The following ZFHX4 variants were observed in gnomAD, a reference collection of about 807,000 sequenced individuals.
ZFHX4 encodes the protein zinc finger homeobox 4, also known as zinc finger homeobox protein 4.
Under a neutral mutation model 267.6 loss-of-function variants are expected in ZFHX4, and 56 were observed. The observed-to-expected ratio is 0.21, with a 90% CI of 0.17 to 0.26. ZFHX4 has a LOEUF of 0.26. ZFHX4 is among the 10% of genes least tolerant of loss of function. ZFHX4 has a pLI of 1.00. For synonymous variants in ZFHX4, 1,778 were observed against 1,665.6 expected (o/e 1.07, Z -1.64); for missense variants, 4,332 against 4,420.0 (o/e 0.98, Z 0.56).
chr8:76,803,486 A>C (rs958660301), intron 4 of ZFHX4, among the ~76,000 whole-genome samples: 2 of 152,174 alleles, frequency 1.3e-5, no homozygotes, highest in African/African-American at 4.8e-5. Flanking sequence ...AACTCTAAAT[A>C]GGTCTTTCTT....
intron 3 of ZFHX4, among the ~76,000 whole-genome samples, chr8:76,742,174 A>G (rs1809335402): frequency 6.6e-6 from 1 of 152,196 alleles, no homozygotes; most frequent in South Asian, 2.1e-4. Context: ...GGACGTTTGG[A>G]TGGTGTAGAT....
chr8:76,855,790 C>G lies in ZFHX4; in HGVS notation c.8869C>G (p.Gln2957Glu), dbSNP rs775571716. ...TAGTGACTACCGAACTCCAACCATG[C>G]AAGAATGTGAAATGTTAGGGAATGA... ...CFSDYRTPTM[Q>E]ECEMLGNEIG... Residue 2957 changes from glutamine (Q) to glutamate (E), a missense_variant, in exon 10 of 11, where the codon CAA becomes GAA. Transcript: ENST00000651372. The G allele has an allele frequency of 3.1e-6, 5 of 1,613,882 alleles. No individual in the cohort carries two copies. In the East Asian group the frequency reaches 1.1e-4, roughly 36 times the overall value.
chr8:76,802,167 T>A lies in ZFHX4; in HGVS notation c.3325+23728T>A, dbSNP rs1270617703. Among the ~76,000 whole-genome samples, 3 of 152,292 alleles carry A rather than the reference T, an allele frequency of 2.0e-5. No individual in the cohort carries two copies. In the East Asian group the frequency reaches 5.8e-4, roughly 29 times the overall value. ...CTGCTGCTGTTCTTCCCTCTTTCAGTGGAGTGATTTGTAACACTCATCTTC... is the reference window on the plus strand; with the variant it reads ...CTGCTGCTGTTCTTCCCTCTTTCAGAGGAGTGATTTGTAACACTCATCTTC... On this transcript the variant is annotated intron_variant, in intron 4 of 10. Transcript: ENST00000651372.
chr8:76,858,501 C>T (rs1391490660), intron 10 of ZFHX4, among the ~76,000 whole-genome samples: 1 of 152,194 alleles, frequency 6.6e-6, no homozygotes, highest in African/African-American at 2.4e-5. Context: ...TTCAATTTCT[C>T]TCAACTTAGT....
Position 76,855,643 on chromosome 8 carries a change from A to C in ZFHX4, c.8722A>C (p.Ser2908Arg). The C allele has an allele frequency of 6.2e-7, 1 of 1,613,922 alleles. No homozygotes were observed. The highest frequency in any genetic ancestry group is 8.5e-7 in the Non-Finnish European group (1 of 1,179,870). Residue 2908 changes from serine to arginine, a missense_variant, in exon 10 of 11, where the codon AGC becomes CGC. Coordinates refer to ENST00000651372, the MANE Select transcript of ZFHX4 (RefSeq NM_024721.5). ...RSETSSIADP[S>R]SPNPFGSSNP... Reference sequence around the variant, plus strand: ...CGAAACGTCCAGCATAGCGGACCCGAGCTCCCCAAATCCATTCGGATCCAG... The same window carrying C: ...CGAAACGTCCAGCATAGCGGACCCGCGCTCCCCAAATCCATTCGGATCCAG...
chr8:76,783,928 A>G (rs1053112095), intron 4 of ZFHX4, among the ~76,000 whole-genome samples: 1 of 151,990 alleles, frequency 6.6e-6, no homozygotes, highest in African/African-American at 2.4e-5. Context: ...GGTTATTTTG[A>G]AGCCGAATTA....
intron 3 of ZFHX4, among the ~76,000 whole-genome samples, chr8:76,737,457 C>A (rs539427499): frequency 3.7e-4 from 56 of 152,196 alleles, no homozygotes; most frequent in African/African-American, 1.3e-3. Flanking sequence ...TCTAGATGTT[C>A]TGTACTTTGC....
At chr8:76,695,634 C>T (rs954403526) in intron 1 of ZFHX4, among the ~76,000 whole-genome samples, 1 of 152,148 alleles carries the variant, frequency 6.6e-6, no homozygotes, top group African/African-American at 2.4e-5. Flanking sequence ...CTTTGATAGA[C>T]CAATACTAGC....
intron 3 of ZFHX4, among the ~76,000 whole-genome samples, chr8:76,744,702 C>A (rs1366726027): frequency 6.6e-6 from 1 of 151,986 alleles, no homozygotes; most frequent in Non-Finnish European, 1.5e-5. Flanking sequence ...GGTGAGCCAT[C>A]GCACCCAGCC....
At chr8:76,728,874 C>G (rs1808926325) in intron 3 of ZFHX4, among the ~76,000 whole-genome samples, 1 of 152,108 alleles carries the variant, frequency 6.6e-6, no homozygotes, top group South Asian at 2.1e-4. Flanking sequence ...GATTTTGGTT[C>G]TGATGATCAG....
chr8:76,776,080 TG>T (rs2131765448), intron 3 of ZFHX4, among the ~76,000 whole-genome samples: 1 of 152,018 alleles, frequency 6.6e-6, no homozygotes, highest in African/African-American at 2.4e-5. Flanking sequence ...CTCCTTTTAT[TG>T]GTACCATTTT....
chr8:76,828,315 C>A (rs1356932806), intron 4 of ZFHX4, among the ~76,000 whole-genome samples: 1 of 151,836 alleles, frequency 6.6e-6, no homozygotes, highest in Non-Finnish European at 1.5e-5. Context: ...GGCTGCCTGG[C>A]CCAGGAGTCC....
intron 4 of ZFHX4, among the ~76,000 whole-genome samples, chr8:76,807,435 T>C (rs1474405913): frequency 6.6e-6 from 1 of 152,116 alleles, no homozygotes; most frequent in East Asian, 1.9e-4. Flanking sequence ...GATTGGCAGC[T>C]TTCTCTCTCC....
intron 4 of ZFHX4, among the ~76,000 whole-genome samples, chr8:76,829,502 ATTC>A (rs1341322245): frequency 6.6e-6 from 1 of 152,094 alleles, no homozygotes; most frequent in African/African-American, 2.4e-5. Flanking sequence ...GAGAACTTTC[ATTC>A]TTAACGATTA....
At chr8:76,774,805 G>C (rs1412223685) in intron 3 of ZFHX4, among the ~76,000 whole-genome samples, 3 of 151,986 alleles carry the variant, frequency 2.0e-5, no homozygotes, top group African/African-American at 7.2e-5. Flanking sequence ...AAGATTTTTA[G>C]TGCTTAATAT....
intron 6 of ZFHX4, among the ~76,000 whole-genome samples, chr8:76,846,046 T>C (rs1812356046): frequency 6.6e-6 from 1 of 152,014 alleles, no homozygotes; most frequent in Non-Finnish European, 1.5e-5. Flanking sequence ...ACTTAAAACC[T>C]TCCTCAAATT....
chr8:76,785,279 T>A lies in ZFHX4; in HGVS notation c.3325+6840T>A, dbSNP rs187333681. Among the ~76,000 whole-genome samples the A allele has an allele frequency of 9.9e-5, 15 of 152,178 alleles. No homozygotes were observed. The East Asian group carries it at 2.9e-3, about 29-fold the overall frequency. On this transcript the variant is annotated intron_variant, in intron 4 of 10. Coordinates refer to ENST00000651372, the MANE Select transcript of ZFHX4 (RefSeq NM_024721.5). ...AAATCTGTATATTAGTTAAAATGGT[T>A]TCATGGTATTCTAGATATTTTGAAC... is the stretch of plus-strand genomic sequence containing the variant.
At chr8:76,777,291 G>GA (rs940045928) in intron 3 of ZFHX4, among the ~76,000 whole-genome samples, 4 of 152,012 alleles carry the variant, frequency 2.6e-5, no homozygotes, top group Non-Finnish European at 4.4e-5. Flanking sequence ...TTTTTCCATT[G>GA]AAAAAATCAG....
At chr8:76,727,534 A>G (rs1808885079) in intron 3 of ZFHX4, among the ~76,000 whole-genome samples, 1 of 152,122 alleles carries the variant, frequency 6.6e-6, no homozygotes, top group Admixed American at 6.6e-5. Context: ...TATTCCTAAA[A>G]TCTTCCTGGT....
Sources: allele counts gnomAD v4.1 joint callset (sites outside exome capture counted in the v4.1 genomes callset), GRCh38; gene constraint gnomAD v4.1.1; transcripts MANE v1.5; gene names NCBI Gene and HGNC (gene_info 2026-07-23, HGNC 2026-07-21).